GABRA3: variants seen among roughly 807,000 people sequenced by gnomAD.
GABRA3 encodes gamma-aminobutyric acid receptor subunit alpha-3.
A neutral mutation model predicts 30.1 loss-of-function variants in GABRA3; 10 were observed. That is an observed-to-expected ratio of 0.33 (90% CI 0.20 to 0.56). GABRA3 has a LOEUF of 0.56. Among genes scored for constraint, GABRA3 ranks in the 20% least tolerant of loss-of-function variants. The probability of loss-of-function intolerance (pLI) is 0.89; values close to 1 mark genes in which losing one functional copy is unlikely to be tolerated. For missense variants in GABRA3, 233 were observed against 392.0 expected, an observed-to-expected ratio of 0.59 and a Z score of 3.42; for synonymous variants, 151 against 146.8, an observed-to-expected ratio of 1.03 and a Z score of -0.21.
intron 4 of GABRA3, among the ~76,000 whole-genome samples, chrX:152,261,192 A>T (rs938132345): frequency 9.0e-6 from 1 of 111,156 alleles, no homozygotes; most frequent in Admixed American, 9.5e-5. Context: ...CCCTCCTATG[A>T]CACATGGGGA....
chrX:152,351,984 T>C (rs749277606), intron 2 of GABRA3, among the ~76,000 whole-genome samples: 3 of 111,346 alleles, frequency 2.7e-5, no homozygotes, highest in Non-Finnish European at 5.7e-5. Context: ...AAGTCCACTG[T>C]CTTACATGAG....
intron 4 of GABRA3, among the ~76,000 whole-genome samples, chrX:152,277,422 C>T (rs1350469778): frequency 9.0e-6 from 1 of 111,226 alleles, no homozygotes; most frequent in African/African-American, 3.3e-5. Context: ...TTATTTTTCT[C>T]ATTAAGCTGG....
chrX:152,389,079 G>T (rs1425276537), intron 1 of GABRA3, among the ~76,000 whole-genome samples: 1 of 112,062 alleles, frequency 8.9e-6, no homozygotes, highest in African/African-American at 3.2e-5. Context: ...AAGACAGAAG[G>T]AGATGTCACT....
chrX:152,233,150 T>C (rs1402387744), intron 5 of GABRA3, among the ~76,000 whole-genome samples: 4 of 107,608 alleles, frequency 3.7e-5, no homozygotes, highest in African/African-American at 1.4e-4. Flanking sequence ...CATGATGGGG[T>C]TGTTTGTTTT....
At chrX:152,374,652 ATT>A (rs1428525214) in intron 1 of GABRA3, among the ~76,000 whole-genome samples, 3 of 111,234 alleles carry the variant, frequency 2.7e-5, no homozygotes, top group Non-Finnish European at 5.7e-5. Flanking sequence ...GCTTGGCCCA[ATT>A]TTTGCTTTTG....
chrX:152,390,441 A>T (rs1277412222), intron 1 of GABRA3, among the ~76,000 whole-genome samples: 7 of 113,128 alleles, frequency 6.2e-5, no homozygotes, highest in Non-Finnish European at 1.3e-4. Flanking sequence ...TGAGCACATT[A>T]GATAACTATG....
At chrX:152,350,819 TA>T (rs1397573199) in intron 2 of GABRA3, among the ~76,000 whole-genome samples, 1 of 112,042 alleles carries the variant, frequency 8.9e-6, no homozygotes, top group South Asian at 3.7e-4. Flanking sequence ...ATCTCTTAAA[TA>T]ATAAAACTTG....
intron 1 of GABRA3, among the ~76,000 whole-genome samples, chrX:152,378,164 A>G (rs1387300875): frequency 8.9e-6 from 1 of 111,773 alleles, no homozygotes; most frequent in Non-Finnish European, 1.9e-5. Context: ...GCTTTGGGAA[A>G]CCCCCATAAA....
intron 9 of GABRA3, among the ~76,000 whole-genome samples, chrX:152,178,966 T>C (rs1234768467): frequency 1.8e-5 from 2 of 111,824 alleles, no homozygotes; most frequent in African/African-American, 3.2e-5. Flanking sequence ...ATTTCACATA[T>C]GTAACCCTTC....
At chrX:152,372,172 AAAATAT>A (rs1928859153) in intron 1 of GABRA3, among the ~76,000 whole-genome samples, 1 of 110,502 alleles carries the variant, frequency 9.0e-6, no homozygotes, top group African/African-American at 3.3e-5. Context: ...TTTAGAAAAA[AAAATAT>A]ATATAAGTCA....
intron 3 of GABRA3, 41 bp downstream of exon 3, chrX:152,345,540 G>A (rs745764201): frequency 1.7e-6 from 2 of 1,177,628 alleles, no homozygotes; most frequent in Non-Finnish European, 2.3e-6. Context: ...TGGCCAAGAA[G>A]AAGATCTGAA....
At chrX:152,277,248 C>G (rs1292968985) in intron 4 of GABRA3, among the ~76,000 whole-genome samples, 4 of 103,934 alleles carry the variant, frequency 3.8e-5, no homozygotes, top group Admixed American at 2.0e-4. Context: ...CTGTGCTACT[C>G]TCCTTTTAAT....
chrX:152,212,428 G>C (rs1937643044), intron 6 of GABRA3, among the ~76,000 whole-genome samples: 1 of 108,515 alleles, frequency 9.2e-6, no homozygotes, highest in Non-Finnish European at 1.9e-5. Context: ...ATGGGAAAGT[G>C]GGAACCTCTG....
intron 3 of GABRA3, among the ~76,000 whole-genome samples, chrX:152,315,336 C>T (rs989359790): frequency 9.0e-6 from 1 of 110,968 alleles, no homozygotes; most frequent in South Asian, 3.8e-4. Context: ...GAGGAAGCAG[C>T]GGGAAGTCCT....
At chrX:152,227,036 G>A (rs1277838457) in intron 5 of GABRA3, among the ~76,000 whole-genome samples, 19 of 110,417 alleles carry the variant, frequency 1.7e-4, no homozygotes, top group Non-Finnish European at 3.2e-4. Context: ...TACTGGGTAT[G>A]TACCCAAAGG....
At chrX:152,421,121 ACACACACACAC>A (rs1028223159) in intron 1 of GABRA3, among the ~76,000 whole-genome samples, 14 of 109,207 alleles carry the variant, frequency 1.3e-4, no homozygotes, top group African/African-American at 4.7e-4. Flanking sequence ...ACACACACAC[ACACACACACAC>A]AAGGCACCTA....
At position 152,166,660 on chromosome X, in the gene GABRA3, G is replaced by C. The variant is rs1459165917; in HGVS notation, c.*1568C>G. ...GCAGGTATTCAGAGCCAAAGTGGCT[G>C]GGGCTGCCATCATAAACAGTCTCAT... On this transcript the variant is annotated 3_prime_UTR_variant, in exon 10 of 10. Coordinates refer to ENST00000370314, the MANE Select transcript of GABRA3 (RefSeq NM_000808.4). The C allele has an allele frequency of 9.0e-6, 1 of 110,926 alleles. No individual in the cohort carries two copies. The highest frequency in any genetic ancestry group is 2.9e-4 in the East Asian group (1 of 3,504). 9.1% of individuals were successfully genotyped at this position (110,926 alleles called of 1,213,427 possible). A position where few individuals can be genotyped will look rare whatever the true frequency, so the allele number is the denominator to read the frequency against.
At chrX:152,345,437 T>C in intron 3 of GABRA3, 144 bp downstream of exon 3, 1 of 596,133 alleles carries the variant, frequency 1.7e-6, no homozygotes. Flanking sequence ...TATGACTAAT[T>C]TTTAGTGCTC....
At chrX:152,369,599 C>T (rs1928773455) in intron 1 of GABRA3, among the ~76,000 whole-genome samples, 1 of 111,299 alleles carries the variant, frequency 9.0e-6, no homozygotes, top group African/African-American at 3.3e-5. Context: ...TGTTCCGTCA[C>T]TTCCTTCATA....
Sources: allele counts gnomAD v4.1 joint callset (sites outside exome capture counted in the v4.1 genomes callset), GRCh38; gene constraint gnomAD v4.1.1; transcripts MANE v1.5; gene names NCBI Gene and HGNC (gene_info 2026-07-23, HGNC 2026-07-21).